Variants in GFOD1 observed in about 807,000 individuals in gnomAD.
GFOD1 encodes the protein Gfo/Idh/MocA-like oxidoreductase domain containing 1, also known as glucose-fructose oxidoreductase domain-containing protein 1.
Under a neutral mutation model 25.4 loss-of-function variants are expected in GFOD1, and 9 were observed. The ratio of observed to expected loss-of-function variants is 0.35; its 90% CI spans 0.21 to 0.62. The LOEUF is 0.62. Among genes scored for constraint, GFOD1 ranks in the 20% least tolerant of loss-of-function variants. GFOD1 has a pLI of 0.72. For missense variants in GFOD1, 403 were observed against 556.9 expected (o/e 0.72, Z 2.78); for synonymous variants, 253 against 245.6 (o/e 1.03, Z -0.28).
At chr6:13,465,981 C>G (rs928626503) in intron 1 of GFOD1, among the ~76,000 whole-genome samples, 5 of 152,158 alleles carry the variant, frequency 3.3e-5, no homozygotes, top group Admixed American at 3.3e-4. Context: ...AATGACTCAG[C>G]CTAGGTTGGA....
chr6:13,380,478 C>G (rs1322771262), intron 1 of GFOD1, among the ~76,000 whole-genome samples: 2 of 152,108 alleles, frequency 1.3e-5, no homozygotes, highest in Non-Finnish European at 2.9e-5. Context: ...CCAGATCTGC[C>G]CACGTGAATA....
intron 1 of GFOD1, among the ~76,000 whole-genome samples, chr6:13,458,112 T>C (rs532801506): frequency 6.6e-6 from 1 of 152,176 alleles, no homozygotes; most frequent in South Asian, 2.1e-4. Flanking sequence ...ATTTTTGTTG[T>C]TGTTGTTGTT....
chr6:13,442,842 A>G (rs1440381961), intron 1 of GFOD1, among the ~76,000 whole-genome samples: 1 of 152,208 alleles, frequency 6.6e-6, no homozygotes, highest in Non-Finnish European at 1.5e-5. Flanking sequence ...CCAGGAGATG[A>G]GTGTTGTTTT....
chr6:13,464,369 C>G (rs1160802573), intron 1 of GFOD1, among the ~76,000 whole-genome samples: 1 of 152,200 alleles, frequency 6.6e-6, no homozygotes, highest in Non-Finnish European at 1.5e-5. Flanking sequence ...TTGTGAAGTC[C>G]TGCCCTTCTA....
chr6:13,393,871 C>T (rs1432915267), intron 1 of GFOD1, among the ~76,000 whole-genome samples: 2 of 151,146 alleles, frequency 1.3e-5, no homozygotes, highest in East Asian at 1.9e-4. Flanking sequence ...GCTCCGCCTC[C>T]CGGGTTCGGC....
intron 1 of GFOD1, among the ~76,000 whole-genome samples, chr6:13,377,502 C>G (rs1367848854): frequency 6.6e-6 from 1 of 152,152 alleles, no homozygotes; most frequent in African/African-American, 2.4e-5. Flanking sequence ...CTGCTGTGTG[C>G]CCTGCCATCT....
At chr6:13,452,849 A>G (rs1758122440) in intron 1 of GFOD1, among the ~76,000 whole-genome samples, 1 of 152,210 alleles carries the variant, frequency 6.6e-6, no homozygotes, top group Admixed American at 6.5e-5. Context: ...TTGGGACTGG[A>G]GCACACCGTC....
intron 1 of GFOD1, among the ~76,000 whole-genome samples, chr6:13,383,373 TGACATCTATTG>T (rs1233291159): frequency 1.3e-5 from 2 of 152,230 alleles, no homozygotes; most frequent in Non-Finnish European, 2.9e-5. Context: ...TTCTGTTACT[TGACATCTATTG>T]GATACTGCAG....
At chr6:13,421,219 C>G (rs73366949) in intron 1 of GFOD1, among the ~76,000 whole-genome samples, 9,488 of 152,236 alleles carry the variant, frequency 0.062, 372 homozygotes, top group Middle Eastern at 0.12. Context: ...CAGGCATGTT[C>G]GCTCATGCTT....
chr6:13,379,654 T>C (rs1785320065), intron 1 of GFOD1, among the ~76,000 whole-genome samples: 1 of 152,234 alleles, frequency 6.6e-6, no homozygotes, highest in Non-Finnish European at 1.5e-5. Flanking sequence ...CAGCCTCTCA[T>C]ACATTTCCGT....
At chr6:13,391,679 C>T (rs891416567) in intron 1 of GFOD1, among the ~76,000 whole-genome samples, 1 of 152,130 alleles carries the variant, frequency 6.6e-6, no homozygotes, top group Non-Finnish European at 1.5e-5. Flanking sequence ...AGCAGGCGAG[C>T]CAGACCAAGG....
intron 1 of GFOD1, among the ~76,000 whole-genome samples, chr6:13,429,275 C>A (rs956053650): frequency 6.6e-6 from 1 of 152,190 alleles, no homozygotes; most frequent in African/African-American, 2.4e-5. Context: ...GTCTCCTATG[C>A]GGCAGACACT....
chr6:13,478,853 T>A (rs1220333423), intron 1 of GFOD1, among the ~76,000 whole-genome samples: 1 of 152,128 alleles, frequency 6.6e-6, no homozygotes, highest in African/African-American at 2.4e-5. Context: ...TCCAGGTATC[T>A]ACTAAAGCCC....
At chr6:13,453,222 C>T (rs1758128519) in intron 1 of GFOD1, among the ~76,000 whole-genome samples, 1 of 152,232 alleles carries the variant, frequency 6.6e-6, no homozygotes, top group Non-Finnish European at 1.5e-5. Context: ...TTCCATCCTG[C>T]TTCCAGGTCG....
intron 1 of GFOD1, among the ~76,000 whole-genome samples, chr6:13,392,981 G>C (rs1057257450): frequency 6.6e-6 from 1 of 152,008 alleles, no homozygotes; most frequent in Non-Finnish European, 1.5e-5. Context: ...AGGATTGCTT[G>C]AGCCCAGGAC....
intron 1 of GFOD1, among the ~76,000 whole-genome samples, chr6:13,439,416 G>T (rs112930838): frequency 6.6e-6 from 1 of 152,218 alleles, no homozygotes; most frequent in African/African-American, 2.4e-5. Context: ...ACAAATGCAA[G>T]AATTGCATTC....
intron 1 of GFOD1, among the ~76,000 whole-genome samples, chr6:13,478,360 G>A (rs1234235320): frequency 1.3e-5 from 2 of 152,130 alleles, no homozygotes; most frequent in South Asian, 2.1e-4. Flanking sequence ...GGCTGGTCTC[G>A]AACTCCTGAC....
intron 1 of GFOD1, among the ~76,000 whole-genome samples, chr6:13,462,678 G>A (rs201789283): frequency 1.3e-5 from 2 of 152,146 alleles, no homozygotes; most frequent in East Asian, 3.8e-4. Flanking sequence ...TTCCCAGCAG[G>A]GTCCTGAGGT....
Position 13,360,262 on chromosome 6 carries a change from C to T in GFOD1, c.*4481G>A, listed in dbSNP as rs932103599. 5.6e-6 allele frequency: 1 copy of T among 177,200 alleles called. No homozygotes were observed. Among genetic ancestry groups the T allele is most frequent in the African/African-American group, 2.4e-5 (1 of 41,724 alleles). The allele number at this position is 177,200 out of a possible 1,614,324, so 11.0% of individuals were successfully genotyped here. A position where few individuals can be genotyped will look rare whatever the true frequency, so the allele number is the denominator to read the frequency against. On this transcript the variant is annotated 3_prime_UTR_variant, in exon 2 of 2. Transcript: ENST00000379287. ...CCCCTTCAGATGCAGCTGAATTTAC[C>T]TTCTGCCCAGAAAATCATTAACAAA...
Sources: allele counts gnomAD v4.1 joint callset (sites outside exome capture counted in the v4.1 genomes callset), GRCh38; gene constraint gnomAD v4.1.1; transcripts MANE v1.5; gene names NCBI Gene and HGNC (gene_info 2026-07-23, HGNC 2026-07-21).